The following GALNTL6 variants were observed in gnomAD, a reference collection of about 807,000 sequenced individuals.
GALNTL6 encodes polypeptide N-acetylgalactosaminyltransferase-like 6.
In GALNTL6, 46 loss-of-function variants were observed where a neutral mutation model predicts 73.7. The ratio of observed to expected loss-of-function variants is 0.62; its 90% CI spans 0.49 to 0.80. The LOEUF (loss-of-function observed/expected upper bound fraction) is 0.80, where lower values mean the gene tolerates loss of function less well. GALNTL6 is among the 30% of genes least tolerant of loss of function. The pLI is 0.00. For missense variants in GALNTL6, 604 were observed against 755.0 expected, an observed-to-expected ratio of 0.80 and a Z score of 2.34; for synonymous variants, 259 against 263.7, an observed-to-expected ratio of 0.98 and a Z score of 0.17.
chr4:172,140,012 A>G (rs1029736891), intron 2 of GALNTL6, among the ~76,000 whole-genome samples: 13 of 145,038 alleles, frequency 9.0e-5, no homozygotes, highest in African/African-American at 3.1e-4. Flanking sequence ...TTTTTTTTTT[A>G]TTACATGCAC....
At chr4:172,045,904 T>C (rs1742207352) in intron 2 of GALNTL6, among the ~76,000 whole-genome samples, 1 of 151,920 alleles carries the variant, frequency 6.6e-6, no homozygotes, top group South Asian at 2.1e-4. Context: ...CTTCTATGAG[T>C]TTGATTGTTT....
chr4:171,869,006 A>C (rs111561866), intron 2 of GALNTL6, among the ~76,000 whole-genome samples: 17 of 152,190 alleles, frequency 1.1e-4, no homozygotes, highest in African/African-American at 4.1e-4. Context: ...CAACTTTCCC[A>C]GAGAGAGAGC....
intron 5 of GALNTL6, among the ~76,000 whole-genome samples, chr4:172,656,701 T>C (rs1731037467): frequency 6.6e-6 from 1 of 152,240 alleles, no homozygotes. Flanking sequence ...GTATAAGAGA[T>C]GGCTGAAGGT....
chr4:173,023,584 G>A (rs1753106015), intron 12 of GALNTL6, among the ~76,000 whole-genome samples: 1 of 152,074 alleles, frequency 6.6e-6, no homozygotes, highest in Non-Finnish European at 1.5e-5. Flanking sequence ...CTGATCCTGG[G>A]AGGCAGAAGT....
intron 2 of GALNTL6, among the ~76,000 whole-genome samples, chr4:172,224,266 C>T (rs2110954988): frequency 6.6e-6 from 1 of 152,228 alleles, no homozygotes; most frequent in South Asian, 2.1e-4. Context: ...ACCCTAATTT[C>T]ATATGTGAGC....
chr4:172,409,279 A>G (rs1744349255), intron 5 of GALNTL6, among the ~76,000 whole-genome samples: 1 of 152,062 alleles, frequency 6.6e-6, no homozygotes, highest in African/African-American at 2.4e-5. Flanking sequence ...TGATGCTACT[A>G]GTAACAACAA....
chr4:172,615,766 A>T (rs1396595888), intron 5 of GALNTL6, among the ~76,000 whole-genome samples: 2 of 152,178 alleles, frequency 1.3e-5, no homozygotes, highest in African/African-American at 4.8e-5. Context: ...TTGCAAAGCT[A>T]TTTAGCCCCT....
At chr4:172,064,926 T>C (rs2110888632) in intron 2 of GALNTL6, among the ~76,000 whole-genome samples, 1 of 152,342 alleles carries the variant, frequency 6.6e-6, no homozygotes, top group East Asian at 1.9e-4. Context: ...AAAAATATTT[T>C]AGTAAGTTTT....
At chr4:171,995,674 A>C (rs1028655151) in intron 2 of GALNTL6, among the ~76,000 whole-genome samples, 1 of 152,072 alleles carries the variant, frequency 6.6e-6, no homozygotes, top group African/African-American at 2.4e-5. Context: ...TGGCAGATGC[A>C]ATTATGAAGA....
chr4:171,987,428 C>T lies in GALNTL6; in HGVS notation c.138+172710C>T, dbSNP rs545589965. Among the ~76,000 whole-genome samples the T allele has an allele frequency of 6.6e-5, 10 of 152,292 alleles. No individual in the cohort carries two copies. In the South Asian group the frequency reaches 2.1e-3, roughly 32 times the overall value. On this transcript the variant is annotated intron_variant, in intron 2 of 12. Coordinates refer to ENST00000506823, the MANE Select transcript of GALNTL6 (RefSeq NM_001034845.3). ...ATGTCTGACAGAAGGGAAGAAATGA[C>T]TGCGGTGGCCTTCTCAGACGCTGTA...
intron 9 of GALNTL6, among the ~76,000 whole-genome samples, chr4:172,950,829 G>A (rs928779194): frequency 9.8e-5 from 15 of 152,322 alleles, no homozygotes; most frequent in Admixed American, 9.2e-4. Context: ...AAACAGGAGT[G>A]GGTCAATGCT....
intron 5 of GALNTL6, among the ~76,000 whole-genome samples, chr4:172,474,063 C>T (rs1733145577): frequency 6.6e-6 from 1 of 152,164 alleles, no homozygotes; most frequent in African/African-American, 2.4e-5. Flanking sequence ...CCTTCATTTA[C>T]TCTGATCCTG....
chr4:172,081,292 G>A (rs1731871644), intron 2 of GALNTL6, among the ~76,000 whole-genome samples: 1 of 152,190 alleles, frequency 6.6e-6, no homozygotes, highest in African/African-American at 2.4e-5. Context: ...CAAAATAACT[G>A]GAATAAGTGT....
intron 5 of GALNTL6, among the ~76,000 whole-genome samples, chr4:172,658,128 T>G (rs837204): frequency 3.2e-5 from 2 of 62,392 alleles, no homozygotes; most frequent in Non-Finnish European, 5.6e-5. Flanking sequence ...CCAGCCTGGG[T>G]GACAGAGCGA....
intron 2 of GALNTL6, among the ~76,000 whole-genome samples, chr4:172,138,209 G>T (rs1432313012): frequency 6.6e-6 from 1 of 151,330 alleles, no homozygotes; most frequent in Admixed American, 6.6e-5. Flanking sequence ...TATTTTATTT[G>T]TAAAATGAAG....
chr4:172,936,961 A>G (rs951190191), intron 9 of GALNTL6, among the ~76,000 whole-genome samples: 1 of 152,128 alleles, frequency 6.6e-6, no homozygotes, highest in African/African-American at 2.4e-5. Context: ...GCTCCTCACC[A>G]TAATGTTTCT....
chr4:172,546,495 T>A (rs534125339), intron 5 of GALNTL6, among the ~76,000 whole-genome samples: 3 of 148,094 alleles, frequency 2.0e-5, no homozygotes, highest in South Asian at 4.3e-4. Context: ...TACACAAGTT[T>A]AAAAAAAAAA....
chr4:172,317,813 T>A (rs1740615781), intron 4 of GALNTL6, among the ~76,000 whole-genome samples: 1 of 152,210 alleles, frequency 6.6e-6, no homozygotes, highest in Non-Finnish European at 1.5e-5. Context: ...TAGCACTAGT[T>A]GATTGCCTTT....
intron 6 of GALNTL6, among the ~76,000 whole-genome samples, chr4:172,812,483 A>G (rs1165991829): frequency 6.6e-6 from 1 of 152,202 alleles, no homozygotes; most frequent in Non-Finnish European, 1.5e-5. Flanking sequence ...ACATTCTTGG[A>G]AAGAAAGATA....
Sources: gnomAD v4.1 joint callset for allele counts (sites outside exome capture counted in the v4.1 genomes callset) on GRCh38, gnomAD v4.1.1 for gene constraint, MANE v1.5 for transcripts, NCBI Gene and HGNC (gene_info 2026-07-23, HGNC 2026-07-21) for gene names.